Variants in CLHC1 observed in about 807,000 individuals in gnomAD.
CLHC1 encodes the protein clathrin heavy chain linker domain containing 1, also known as clathrin heavy chain linker domain-containing protein 1.
In CLHC1, 72 loss-of-function variants were observed where a neutral mutation model predicts 69.5. That is an observed-to-expected ratio of 1.04 (90% CI 0.86 to 1.26). CLHC1 has a LOEUF of 1.26. CLHC1 is among the 50% of genes most tolerant of loss of function. The pLI, the probability that CLHC1 is intolerant of heterozygous loss-of-function variation, is 0.00. For missense variants in CLHC1, 790 were observed against 679.3 expected (o/e 1.16, Z -1.81); for synonymous variants, 223 against 224.3 (o/e 0.99, Z 0.05).
intron 9 of CLHC1, among the ~76,000 whole-genome samples, chr2:55,182,037 T>TAGGA (rs1669988020): frequency 6.6e-6 from 1 of 152,010 alleles, no homozygotes; most frequent in Non-Finnish European, 1.5e-5. Flanking sequence ...GGAATCTCCC[T>TAGGA]TAGAGCCTCC....
chr2:55,192,102 T>C (rs768473045), intron 9 of CLHC1, among the ~76,000 whole-genome samples: 15 of 151,632 alleles, frequency 9.9e-5, no homozygotes, highest in Non-Finnish European at 7.4e-5. Flanking sequence ...GCAAAGACTG[T>C]CAGATTGTTG....
Position 55,212,724 on chromosome 2 carries a change from T to C in CLHC1, c.448A>G (p.Lys150Glu), listed in dbSNP as rs1372484351. The C allele has an allele frequency of 5.0e-6, 8 of 1,597,776 alleles. No individual in the cohort carries two copies. In the South Asian group the frequency reaches 8.8e-5, roughly 18 times the overall value. The change falls in exon 5 of 13, where the codon AAA (lysine) becomes GAA (glutamate). Residue 150 changes from lysine to glutamate, a missense_variant. Transcript: ENST00000401408. Reference sequence around the variant, plus strand: ...GAGAAAGTACAATATTTTACTTCTTTTGTGTCATACTCTGCCCTACACTGC... The same window carrying C: ...GAGAAAGTACAATATTTTACTTCTTCTGTGTCATACTCTGCCCTACACTGC... ...IKQCRAEYDT[K>E]EVKYCTFSKD...
At chr2:55,185,410 A>C (rs1184668478) in intron 9 of CLHC1, among the ~76,000 whole-genome samples, 1 of 152,196 alleles carries the variant, frequency 6.6e-6, no homozygotes, top group Non-Finnish European at 1.5e-5. Context: ...TTCTCTGAAA[A>C]AGATAAAACA....
chr2:55,210,786 TCTCA>T (rs1672919555), intron 5 of CLHC1, among the ~76,000 whole-genome samples: 1 of 152,194 alleles, frequency 6.6e-6, no homozygotes, highest in Middle Eastern at 3.2e-3. Flanking sequence ...CAGTCCTCTC[TCTCA>T]CTCTCCCGTC....
At chr2:55,232,359 TC>T (rs148607878), upstream of CLHC1, 5,093 of 273,592 alleles carry the variant, frequency 0.019, 81 homozygotes, top group Admixed American at 0.025. Context: ...GAACTACAGT[TC>T]CCAGAATGCA....
chr2:55,183,084 C>A (rs982775702), intron 9 of CLHC1, among the ~76,000 whole-genome samples: 6 of 152,106 alleles, frequency 3.9e-5, no homozygotes, highest in Non-Finnish European at 7.3e-5. Context: ...TATATAACCC[C>A]ACTGTAAAGC....
rs1299377761 is a variant in CLHC1 at position 55,173,239 on chromosome 2, A to T, written c.*2551T>A. ...TCATTGGAACAATTCAAATGTTAAAAGGCATTTTTAGCAACTGGTGAAATT... is the reference window on the plus strand; with the variant it reads ...TCATTGGAACAATTCAAATGTTAAATGGCATTTTTAGCAACTGGTGAAATT... On this transcript the variant is annotated 3_prime_UTR_variant, in exon 13 of 13. Transcript: ENST00000401408. Among the ~76,000 whole-genome samples, 1 of 152,246 alleles carries T rather than the reference A, an allele frequency of 6.6e-6. No individual in the cohort carries two copies. The highest frequency in any genetic ancestry group is 1.5e-5 in the Non-Finnish European group (1 of 68,038).
At chr2:55,226,898 G>A (rs777812345) in intron 2 of CLHC1, among the ~76,000 whole-genome samples, 1 of 152,228 alleles carries the variant, frequency 6.6e-6, no homozygotes, top group Non-Finnish European at 1.5e-5. Flanking sequence ...CTCCCAAAGT[G>A]CTGGGATTAC....
At chr2:55,192,616 G>C (rs1425521402) in intron 9 of CLHC1, among the ~76,000 whole-genome samples, 1 of 152,270 alleles carries the variant, frequency 6.6e-6, no homozygotes, top group Non-Finnish European at 1.5e-5. Flanking sequence ...GTATACTACT[G>C]GCGTGGGGTG....
chr2:55,180,971 A>G (rs185380768), intron 10 of CLHC1, among the ~76,000 whole-genome samples: 1 of 152,220 alleles, frequency 6.6e-6, no homozygotes, highest in Non-Finnish European at 1.5e-5. Flanking sequence ...TTTCTACAGG[A>G]AACTAAATGC....
intron 12 of CLHC1, among the ~76,000 whole-genome samples, chr2:55,177,371 C>T (rs1342683051): frequency 6.6e-6 from 1 of 152,026 alleles, no homozygotes; most frequent in Non-Finnish European, 1.5e-5. Context: ...TTGTAATATT[C>T]CCCTCAAGCT....
intron 7 of CLHC1, 100 bp from the exon 8 acceptor site, chr2:55,208,810 G>C (rs961170380): frequency 1.9e-5 from 13 of 695,358 alleles, no homozygotes; most frequent in East Asian, 2.7e-5. Flanking sequence ...TATTGCTATG[G>C]CTCCTAACAG....
chr2:55,224,609 G>A, intron 2 of CLHC1: 1 of 256,902 alleles, frequency 3.9e-6, no homozygotes, highest in Non-Finnish European at 8.0e-6. Flanking sequence ...ATGGGCCAGG[G>A]CGGGAGGAAC....
chr2:55,210,377 G>C (rs967678141), intron 5 of CLHC1, among the ~76,000 whole-genome samples: 2 of 151,798 alleles, frequency 1.3e-5, no homozygotes, highest in Middle Eastern at 3.4e-3. Flanking sequence ...TGTATTTTTA[G>C]TAGAGATGGG....
At chr2:55,212,866 C>T (rs980793155) in intron 4 of CLHC1, 60 bp from the exon 5 acceptor site, 2 of 1,311,244 alleles carry the variant, frequency 1.5e-6, no homozygotes, top group Admixed American at 1.8e-5. Flanking sequence ...AACCACAAAA[C>T]CTAAAGTCAA....
chr2:55,229,215 G>C (rs1232702201), intron 1 of CLHC1, among the ~76,000 whole-genome samples: 2 of 150,810 alleles, frequency 1.3e-5, no homozygotes, highest in Non-Finnish European at 3.0e-5. Flanking sequence ...ATGACAGATA[G>C]GGGTTAAGTT....
At position 55,224,306 on chromosome 2, in the gene CLHC1, C is replaced by G. The variant is rs560588167; in HGVS notation, c.-82-1813G>C. ...ATGGCGTCCCATGCAGAGTGCCGTC[C>G]TCTGGGAGTGTTTGAGTGTGAACTC... On this transcript the variant is annotated intron_variant, in intron 2 of 12. Transcript: ENST00000401408. The G allele has an allele frequency of 8.6e-6, 4 of 463,642 alleles. No individual in the cohort carries two copies. In the Admixed American group the frequency reaches 8.9e-5, roughly 10 times the overall value. 28.7% of individuals were successfully genotyped at this position (463,642 alleles called of 1,614,324 possible). A position where few individuals can be genotyped will look rare whatever the true frequency, so the allele number is the denominator to read the frequency against.
At chr2:55,198,058 C>G (rs112878627) in intron 9 of CLHC1, among the ~76,000 whole-genome samples, 3,496 of 152,208 alleles carry the variant, frequency 0.023, 66 homozygotes, top group Middle Eastern at 0.12. Flanking sequence ...ATGCAATTGA[C>G]ATGCTGAAGA....
chr2:55,204,878 T>C (rs1209809175), intron 9 of CLHC1, among the ~76,000 whole-genome samples: 3 of 151,954 alleles, frequency 2.0e-5, no homozygotes, highest in African/African-American at 4.8e-5. Context: ...GAGTTAAAAA[T>C]AAAAACAATT....
Sources: gnomAD v4.1 joint callset for allele counts (sites outside exome capture counted in the v4.1 genomes callset) on GRCh38, gnomAD v4.1.1 for gene constraint, MANE v1.5 for transcripts, NCBI Gene and HGNC (gene_info 2026-07-23, HGNC 2026-07-21) for gene names.